Variants in DNAI3 observed in about 807,000 individuals in gnomAD.
DNAI3 encodes WD repeat domain 63.
In DNAI3, 83 loss-of-function variants were observed where a neutral mutation model predicts 115.5. The observed-to-expected ratio is 0.72, with a 90% CI of 0.60 to 0.86. The LOEUF (loss-of-function observed/expected upper bound fraction) is 0.86. Among genes scored for constraint, DNAI3 ranks in the 40% least tolerant of loss-of-function variants. The pLI, the probability that DNAI3 is intolerant of heterozygous loss-of-function variation, is 0.00. For missense variants in DNAI3, 1,004 were observed against 1,075.8 expected (o/e 0.93, Z 0.93); for synonymous variants, 320 against 347.0 (o/e 0.92, Z 0.86).
chr1:85,081,241 A>G lies in DNAI3; in HGVS notation c.111A>G (p.Pro37=). 1 of 1,576,416 alleles carries G rather than the reference A, an allele frequency of 6.3e-7. No individual in the cohort carries two copies. Residue 37 remains proline, a synonymous_variant, in exon 4 of 23, where the codon CCA becomes CCG. Coordinates refer to ENST00000294664, the MANE Select transcript of DNAI3 (RefSeq NM_145172.5). ...CCACTTTGTCTTTCCTAGGTCATCC[A>G]GAAATTTATCCTTTAGTATTAACCA... ...EPVNMESMGH[P]EIYPLVLTTK... is the part of the protein sequence containing the mutation.
At chr1:85,073,268 A>G (rs1654343067) in intron 3 of DNAI3, among the ~76,000 whole-genome samples, 176 bp downstream of exon 3, 1 of 152,198 alleles carries the variant, frequency 6.6e-6, no homozygotes. Flanking sequence ...AAATAGAAGT[A>G]GAGAATTTCA....
At position 85,110,116 on chromosome 1, in the gene DNAI3, T is replaced by C; in HGVS notation, c.1767T>C (p.His589=). Reference sequence around the variant, plus strand: ...CCAAGATAAGCCTGAATGAAGACCATCTTCTTTGCAAAACACAAGGTAACT... The same window carrying C: ...CCAAGATAAGCCTGAATGAAGACCACCTTCTTTGCAAAACACAAGGTAACT... ...CPTKISLNED[H]LLCKTQDKML... Residue 589 remains histidine (H), a synonymous_variant, in exon 16 of 23, where the codon CAT becomes CAC. Transcript: ENST00000294664. The C allele has an allele frequency of 1.9e-6, 3 of 1,611,400 alleles. No homozygotes were observed. The highest frequency in any genetic ancestry group is 2.5e-6 in the Non-Finnish European group (3 of 1,178,960).
At chr1:85,101,069 A>C (rs1046454661) in intron 13 of DNAI3, among the ~76,000 whole-genome samples, 1 of 151,994 alleles carries the variant, frequency 6.6e-6, no homozygotes. Context: ...ACATGTATAC[A>C]TATGTAACAA....
intron 3 of DNAI3, among the ~76,000 whole-genome samples, chr1:85,076,786 A>C (rs1654468809): frequency 6.6e-6 from 1 of 152,208 alleles, no homozygotes. Context: ...AACCATATTA[A>C]CAAGTTTCAG....
At chr1:85,104,405 G>A in intron 13 of DNAI3, 119 bp from the exon 14 acceptor site, 1 of 788,446 alleles carries the variant, frequency 1.3e-6, no homozygotes. Flanking sequence ...ACAGGCGTGA[G>A]CCACTGCCCC....
Position 85,126,502 on chromosome 1 carries a change from T to C in DNAI3, c.2113-9T>C. 1 of 1,593,718 alleles carries C rather than the reference T, an allele frequency of 6.3e-7. No homozygotes were observed. The highest frequency in any genetic ancestry group is 8.5e-7 in the Non-Finnish European group (1 of 1,171,706). ...TTCTTTATTTGTCTTTTTAAAAATT[T>C]GTTTAAAGACTGGACCGCTCCTTCA... On this transcript the variant is annotated splice_polypyrimidine_tract_variant and intron_variant, in intron 19 of 22. Coordinates refer to ENST00000294664, the MANE Select transcript of DNAI3 (RefSeq NM_145172.5).
chr1:85,087,769 G>T (rs1451148924), intron 7 of DNAI3, among the ~76,000 whole-genome samples: 1 of 152,184 alleles, frequency 6.6e-6, no homozygotes, highest in Non-Finnish European at 1.5e-5. Context: ...TGAATTCAGT[G>T]TTAAGTGAAG....
chr1:85,128,337 A>G (rs709782), intron 20 of DNAI3, among the ~76,000 whole-genome samples: 140,637 of 152,234 alleles, frequency 0.92, 64,993 homozygotes, highest in Middle Eastern at 0.95. Context: ...TGAACTTCAT[A>G]ACTTTTCTTT....
Position 85,108,075 on chromosome 1 carries a change from C to T in DNAI3, c.1596C>T (p.Thr532=), listed in dbSNP as rs561159807. The change falls in exon 15 of 23, where the codon ACC becomes ACT. Residue 532 remains threonine (T), a synonymous_variant. Transcript: ENST00000294664. ...ATATTAGACCACAGAAACCTTTAAC[C>T]CCCCAAACAACAGAGAAAAAGAAGG... ...FWDIRPQKPL[T]PQTTEKKKEE... The T allele has an allele frequency of 6.8e-6, 11 of 1,607,910 alleles. 1 individual carries two copies. In the South Asian group the frequency reaches 1.2e-4, roughly 18 times the overall value.
At chr1:85,073,887 G>T (rs1218549927) in intron 3 of DNAI3, among the ~76,000 whole-genome samples, 1 of 152,102 alleles carries the variant, frequency 6.6e-6, no homozygotes, top group Non-Finnish European at 1.5e-5. Context: ...GATGACCTGG[G>T]CCAGGGCAGT....
intron 8 of DNAI3, among the ~76,000 whole-genome samples, chr1:85,092,458 A>C (rs1010997850): frequency 1.9e-4 from 29 of 152,198 alleles, no homozygotes; most frequent in Non-Finnish European, 1.0e-4. Context: ...TATAAAACCA[A>C]GAAGTTTACA....
Position 85,132,879 on chromosome 1 carries a change from C to G in DNAI3, c.2557C>G (p.Gln853Glu), listed in dbSNP as rs1385472002. ...KVKTYQKSKE[Q>E]MQAELKMDYE... ...GAAAACATATCAGAAGTCAAAAGAA[C>G]AAATGCAGGCTGAATTAAAAATGGA... The change falls in exon 23 of 23, where the codon CAA (glutamine) becomes GAA (glutamate). Residue 853 changes from glutamine to glutamate, a missense_variant. Gln to Glu is a conservative substitution (Grantham distance 29). Around this residue, in one of 3 missense-constraint regions of DNAI3, gnomAD observed 429 missense variants for 454.3 expected, o/e 0.94. Coordinates refer to ENST00000294664, the MANE Select transcript of DNAI3 (RefSeq NM_145172.5). 1 of 1,613,470 alleles carries G rather than the reference C, an allele frequency of 6.2e-7. No homozygotes were observed. Among genetic ancestry groups the G allele is most frequent in the Non-Finnish European group, 8.5e-7 (1 of 1,179,736 alleles).
Position 85,073,088 on chromosome 1 carries a change from C to A in DNAI3, c.99C>A (p.Ser33Arg). ...SEDMEPVNMESMGHPEIYPLV... is the reference protein window; with the variant it reads ...SEDMEPVNMERMGHPEIYPLV... ...ACATGGAACCAGTAAATATGGAGAG[C>A]ATGGGTAAGTGGAAATATAATTTAC... The change falls in exon 3 of 23, where the codon AGC (serine) becomes AGA (arginine). Residue 33 changes from serine to arginine, a missense_variant. By Grantham distance (110) the Ser-to-Arg change is moderately radical. Around this residue, in one of 3 missense-constraint regions of DNAI3, gnomAD observed 550 missense variants for 568.1 expected, o/e 0.97. Transcript: ENST00000294664. 1 of 1,542,766 alleles carries A rather than the reference C, an allele frequency of 6.5e-7. No homozygotes were observed. Among genetic ancestry groups the A allele is most frequent in the Non-Finnish European group, 8.8e-7 (1 of 1,142,594 alleles).
At chr1:85,120,546 T>G (rs1040425422) in intron 17 of DNAI3, among the ~76,000 whole-genome samples, 1 of 152,216 alleles carries the variant, frequency 6.6e-6, no homozygotes, top group Non-Finnish European at 1.5e-5. Context: ...TTGACTTGGT[T>G]CAATTTCATT....
In DNAI3 at chr1:85,082,317, G is replaced by A; in HGVS notation, c.303G>A (p.Glu101=). 6.2e-7 allele frequency: 1 copy of A among 1,613,094 alleles called. No individual in the cohort carries two copies. The highest frequency in any genetic ancestry group is 1.1e-5 in the South Asian group (1 of 90,944). ...KKIVQEYPGN[E]LLLVYDKDFK... ...TCTTGTAGGAATATCCTGGAAATGA[G>A]CTTCTGCTTGTTTATGACAAAGACT... is the stretch of plus-strand genomic sequence containing the variant. The change falls in exon 5 of 23, where the codon GAG becomes GAA. Residue 101 remains glutamate (E), a synonymous_variant. Transcript: ENST00000294664.
intron 17 of DNAI3, among the ~76,000 whole-genome samples, chr1:85,118,624 A>G (rs1655902858): frequency 6.6e-6 from 1 of 152,206 alleles, no homozygotes; most frequent in Non-Finnish European, 1.5e-5. Context: ...AGAGGAAAGC[A>G]ATCAATTCCA....
At chr1:85,119,898 C>A (rs7512927) in intron 17 of DNAI3, among the ~76,000 whole-genome samples, 1,609 of 152,260 alleles carry the variant, frequency 0.011, 34 homozygotes, top group African/African-American at 0.037. Context: ...CAGTGTTTCA[C>A]CATGTTAGCC....
intron 15 of DNAI3, 61 bp downstream of exon 15, chr1:85,108,238 C>CAGG: frequency 6.9e-7 from 1 of 1,448,000 alleles, no homozygotes; most frequent in Non-Finnish European, 9.1e-7. Flanking sequence ...ACTTTGCATG[C>CAGG]ATAGACATAC....
chr1:85,089,615 G>C (rs979245841), intron 7 of DNAI3, among the ~76,000 whole-genome samples: 10 of 151,718 alleles, frequency 6.6e-5, no homozygotes, highest in Non-Finnish European at 1.5e-4. Flanking sequence ...AGGCTGTCTT[G>C]TGCTTTGTAG....
Sources: gnomAD v4.1 joint callset for allele counts (sites outside exome capture counted in the v4.1 genomes callset) on GRCh38, gnomAD v4.1.1 for gene constraint, gnomAD v4.1.1 regional missense constraint, MANE v1.5 for transcripts, NCBI Gene and HGNC (gene_info 2026-07-23, HGNC 2026-07-21) for gene names.